Variants in ANK3 observed in about 807,000 individuals in gnomAD.
ANK3 encodes the protein ankyrin-3.
ANK3 carries 57 observed loss-of-function variants against 370.9 expected under a neutral mutation model. The ratio of observed to expected loss-of-function variants is 0.15; its 90% CI spans 0.12 to 0.19. The LOEUF (loss-of-function observed/expected upper bound fraction) is 0.19, where lower values mean the gene tolerates loss of function less well. Ranked by LOEUF, ANK3 falls within the 10% of genes least tolerant of loss-of-function variation. The pLI is 1.00. For missense variants in ANK3, 4,439 were observed against 5,302.1 expected (o/e 0.84, Z 5.06); for synonymous variants, 1,929 against 1,946.3 (o/e 0.99, Z 0.23).
chr10:60,707,920 G>C (rs1337893488), intron 1 of ANK3, among the ~76,000 whole-genome samples: 1 of 152,106 alleles, frequency 6.6e-6, no homozygotes, highest in Non-Finnish European at 1.5e-5. Context: ...GAAAAAAAGG[G>C]AAACAAGGAC....
At chr10:60,149,861 A>G (rs936817463) in intron 23 of ANK3, among the ~76,000 whole-genome samples, 2 of 152,122 alleles carry the variant, frequency 1.3e-5, no homozygotes, top group Admixed American at 1.3e-4. Flanking sequence ...GGCACCCACC[A>G]CCACGCCTGG....
In ANK3 at chr10:60,071,030, A is replaced by C; in HGVS notation, c.9851T>G (p.Val3284Gly). ...CTTGTCATGCTCATCTTGCAGATTG[A>C]CTTCAATCATGTCAACCTCTTTTTC... ...LPEKEVDMIE[V>G]NLQDEHDKYQ... is the part of the protein sequence containing the mutation. Residue 3284 changes from valine to glycine, a missense_variant, in exon 37 of 44, where the codon GTC becomes GGC. This residue lies in a region of ANK3 where 1,601 missense variants were observed against 1,731.7 expected (regional missense o/e 0.92). Coordinates refer to ENST00000280772, the MANE Select transcript of ANK3 (RefSeq NM_020987.5). 1 of 1,614,128 alleles carries C rather than the reference A, an allele frequency of 6.2e-7. No individual in the cohort carries two copies. Among genetic ancestry groups the C allele is most frequent in the Non-Finnish European group, 8.5e-7 (1 of 1,180,006 alleles).
At chr10:60,151,511 T>C (rs1294314821) in intron 23 of ANK3, among the ~76,000 whole-genome samples, 1 of 152,168 alleles carries the variant, frequency 6.6e-6, no homozygotes, top group Non-Finnish European at 1.5e-5. Flanking sequence ...CTCCTTTACC[T>C]TCTGTCATGA....
At chr10:60,458,503 T>C (rs1252933902) in intron 2 of ANK3, among the ~76,000 whole-genome samples, 1 of 152,142 alleles carries the variant, frequency 6.6e-6, no homozygotes, top group Non-Finnish European at 1.5e-5. Flanking sequence ...TGACCTCATA[T>C]ACAATGGTTG....
chr10:60,576,958 G>A (rs1397883497), intron 2 of ANK3, among the ~76,000 whole-genome samples: 2 of 152,194 alleles, frequency 1.3e-5, no homozygotes, highest in African/African-American at 4.8e-5. Flanking sequence ...CAAGTTAGCA[G>A]TGAAATTTGA....
chr10:60,468,324 C>G (rs1336678393), intron 2 of ANK3, among the ~76,000 whole-genome samples: 1 of 151,978 alleles, frequency 6.6e-6, no homozygotes, highest in Non-Finnish European at 1.5e-5. Context: ...ACCATACATG[C>G]TTGAAGTGTG....
chr10:60,105,821 T>A (rs2092093042), intron 28 of ANK3, 84 bp downstream of exon 28: 1 of 1,388,338 alleles, frequency 7.2e-7, no homozygotes, highest in African/African-American at 1.5e-5. Context: ...ATGTGTGAAA[T>A]TCAGGTCCTG....
At chr10:60,617,481 G>A (rs2078281511) in intron 1 of ANK3, among the ~76,000 whole-genome samples, 1 of 152,098 alleles carries the variant, frequency 6.6e-6, no homozygotes, top group Non-Finnish European at 1.5e-5. Flanking sequence ...GAGCTCTGAT[G>A]TCAGTTTTTG....
intron 18 of ANK3, among the ~76,000 whole-genome samples, chr10:60,174,124 C>T (rs929055328): frequency 4.6e-5 from 7 of 152,126 alleles, no homozygotes; most frequent in African/African-American, 1.7e-4. Context: ...TATGATGGCA[C>T]TAGAGTCTTT....
At chr10:60,468,219 G>A (rs1389861119) in intron 2 of ANK3, among the ~76,000 whole-genome samples, 1 of 151,984 alleles carries the variant, frequency 6.6e-6, no homozygotes, top group African/African-American at 2.4e-5. Flanking sequence ...TCTGACCACA[G>A]GTGATCTGCC....
chr10:60,031,458 A>G (rs2073533773), intron 43 of ANK3, among the ~76,000 whole-genome samples: 1 of 152,238 alleles, frequency 6.6e-6, no homozygotes, highest in African/African-American at 2.4e-5. Flanking sequence ...TCCATAAAAC[A>G]AAGTTCTTCC....
chr10:60,131,046 T>C (rs1389008503), intron 25 of ANK3, among the ~76,000 whole-genome samples: 1 of 152,216 alleles, frequency 6.6e-6, no homozygotes, highest in African/African-American at 2.4e-5. Context: ...TGGAAATAAA[T>C]AGTTGAATTA....
intron 1 of ANK3, among the ~76,000 whole-genome samples, chr10:60,689,624 T>TGCCTGTAA (rs1234112790): frequency 6.6e-6 from 1 of 151,538 alleles, no homozygotes; most frequent in African/African-American, 2.4e-5. Flanking sequence ...TGGTGTCGAG[T>TGCCTGTAA]GCCTGTAATC....
chr10:60,433,033 G>C (rs1395551942), intron 2 of ANK3, among the ~76,000 whole-genome samples: 1 of 152,160 alleles, frequency 6.6e-6, no homozygotes, highest in Admixed American at 6.5e-5. Flanking sequence ...TGATGACAGA[G>C]ACTGCCCCCA....
intron 42 of ANK3, chr10:60,051,734 T>A: frequency 1.1e-5 from 2 of 190,122 alleles, no homozygotes; most frequent in South Asian, 3.6e-4. Flanking sequence ...TAAAAAAAAT[T>A]TAAGTGGAAG....
chr10:60,659,899 A>G (rs1454808043), intron 1 of ANK3, among the ~76,000 whole-genome samples: 1 of 152,130 alleles, frequency 6.6e-6, no homozygotes, highest in African/African-American at 2.4e-5. Flanking sequence ...ATAAGATAAA[A>G]TATTACCAAA....
chr10:60,152,365 G>C (rs78287799), intron 23 of ANK3, among the ~76,000 whole-genome samples: 2,216 of 152,256 alleles, frequency 0.015, 63 homozygotes, highest in African/African-American at 0.051. Flanking sequence ...GAGTTTAGTA[G>C]CTGTGACAGA....
intron 36 of ANK3, 60 bp downstream of exon 36, chr10:60,080,477 G>GA (rs748562425): frequency 2.0e-6 from 3 of 1,486,392 alleles, no homozygotes; most frequent in Admixed American, 1.9e-5. Flanking sequence ...GGTTTGTATA[G>GA]AAAAAATGTC....
chr10:60,643,708 C>A (rs937163000), intron 1 of ANK3, among the ~76,000 whole-genome samples: 1 of 152,042 alleles, frequency 6.6e-6, no homozygotes, highest in African/African-American at 2.4e-5. Flanking sequence ...TGACATGTGA[C>A]CCCATCTCCC....
Sources: gnomAD v4.1 joint callset for allele counts (sites outside exome capture counted in the v4.1 genomes callset) on GRCh38, gnomAD v4.1.1 for gene constraint, gnomAD v4.1.1 regional missense constraint, MANE v1.5 for transcripts, NCBI Gene and HGNC (gene_info 2026-07-23, HGNC 2026-07-21) for gene names.